FMNL2: variants seen among roughly 807,000 people sequenced by gnomAD.
The protein encoded by FMNL2 is formin like 2, also known as formin-like protein 2.
FMNL2 carries 51 observed loss-of-function variants against 130.2 expected under a neutral mutation model. The ratio of observed to expected loss-of-function variants is 0.39; its 90% CI spans 0.31 to 0.49. FMNL2 has a LOEUF of 0.49. Among genes scored for constraint, FMNL2 ranks in the 20% least tolerant of loss-of-function variants. The pLI, the probability that FMNL2 is intolerant of heterozygous loss-of-function variation, is 0.85. For synonymous variants in FMNL2, 465 were observed against 467.1 expected (o/e 1.00, Z 0.06); for missense variants, 977 against 1,316.2 (o/e 0.74, Z 3.99).
intron 1 of FMNL2, among the ~76,000 whole-genome samples, chr2:152,422,972 A>G (rs1686999080): frequency 6.6e-6 from 1 of 152,228 alleles, no homozygotes; most frequent in African/African-American, 2.4e-5. Flanking sequence ...CTGATGTGCT[A>G]TTAGGTTCTC....
intron 1 of FMNL2, among the ~76,000 whole-genome samples, chr2:152,510,329 G>T (rs1692427970): frequency 6.6e-6 from 1 of 152,192 alleles, no homozygotes; most frequent in South Asian, 2.1e-4. Context: ...TACTGTGGCT[G>T]TAAAGAGGAC....
At chr2:152,613,095 A>G (rs72871126) in intron 11 of FMNL2, among the ~76,000 whole-genome samples, 2,451 of 152,340 alleles carry the variant, frequency 0.016, 40 homozygotes, top group African/African-American at 0.044. Context: ...TTGTCTAAAG[A>G]CTACTCAGGG....
chr2:152,603,667 T>G (rs890948628), intron 9 of FMNL2, among the ~76,000 whole-genome samples: 1 of 150,484 alleles, frequency 6.6e-6, no homozygotes, highest in Non-Finnish European at 1.5e-5. Flanking sequence ...GCCGTCCACA[T>G]GTGCTTTTCC....
chr2:152,355,514 G>A (rs976567368), intron 1 of FMNL2, among the ~76,000 whole-genome samples: 2 of 152,120 alleles, frequency 1.3e-5, no homozygotes, highest in Non-Finnish European at 2.9e-5. Flanking sequence ...CAGTGACTAA[G>A]CTTGCTTTTG....
chr2:152,575,174 C>A lies in FMNL2; in HGVS notation c.635C>A (p.Ser212Ter). Reference sequence around the variant, plus strand: ...CCAAGCAGAAGAACTCTGAAAAATTCAAGATTAGTGAGTAAGAAAGATGAT... The same window carrying A: ...CCAAGCAGAAGAACTCTGAAAAATTAAAGATTAGTGAGTAAGAAAGATGAT... ...TLPSRRTLKN[S>*]RLVSKKDDVH... The change falls in exon 7 of 26, where the codon TCA (serine) becomes TAA (stop). Residue 212 changes from serine (S) to a stop codon, truncating the protein, a stop_gained. Coordinates refer to ENST00000288670, the MANE Select transcript of FMNL2 (RefSeq NM_052905.4). LOFTEE classifies it high-confidence loss of function. 6.2e-7 allele frequency: 1 copy of A among 1,606,774 alleles called. No individual in the cohort carries two copies. Among genetic ancestry groups the A allele is most frequent in the Non-Finnish European group, 8.5e-7 (1 of 1,176,286 alleles).
intron 2 of FMNL2, among the ~76,000 whole-genome samples, chr2:152,526,046 A>G (rs1309362056): frequency 6.6e-6 from 1 of 152,190 alleles, no homozygotes; most frequent in African/African-American, 2.4e-5. Context: ...ATTTTCTAAA[A>G]CATTAAAGAG....
chr2:152,488,468 C>A (rs1329144170), intron 1 of FMNL2, among the ~76,000 whole-genome samples: 5 of 152,142 alleles, frequency 3.3e-5, no homozygotes, highest in Non-Finnish European at 1.5e-5. Flanking sequence ...GCTGGTCACA[C>A]AAGAAAAACT....
chr2:152,498,114 C>T (rs374146784), intron 1 of FMNL2, among the ~76,000 whole-genome samples: 1 of 152,126 alleles, frequency 6.6e-6, no homozygotes, highest in African/African-American at 2.4e-5. Flanking sequence ...TATAATGTAA[C>T]CTAATCATGG....
intron 2 of FMNL2, among the ~76,000 whole-genome samples, chr2:152,538,197 C>T (rs1354007837): frequency 6.6e-6 from 1 of 152,196 alleles, no homozygotes; most frequent in African/African-American, 2.4e-5. Context: ...TTACGAATTA[C>T]ATTACTTCTA....
intron 7 of FMNL2, chr2:152,578,586 G>A (rs928271915): frequency 1.1e-5 from 2 of 182,214 alleles, no homozygotes; most frequent in Middle Eastern, 1.9e-3. Context: ...CATCATTGCC[G>A]ATTTTTTTTT....
chr2:152,628,663 C>CA, intron 18 of FMNL2, 130 bp downstream of exon 18: 2 of 747,850 alleles, frequency 2.7e-6, no homozygotes, highest in African/African-American at 3.5e-5. Context: ...TTCTAAATTG[C>CA]ATTTTTATTT....
intron 7 of FMNL2, among the ~76,000 whole-genome samples, chr2:152,576,831 T>C (rs1178714067): frequency 6.6e-6 from 1 of 152,140 alleles, no homozygotes; most frequent in Non-Finnish European, 1.5e-5. Flanking sequence ...ATGTCTGGTT[T>C]GCCCAAGGCA....
At chr2:152,436,850 G>A (rs556338970) in intron 1 of FMNL2, among the ~76,000 whole-genome samples, 30 of 152,262 alleles carry the variant, frequency 2.0e-4, no homozygotes, top group African/African-American at 7.2e-4. Flanking sequence ...TGGACAAGTA[G>A]ACCCCTCTGT....
At chr2:152,556,285 C>T (rs1049781799) in intron 4 of FMNL2, among the ~76,000 whole-genome samples, 5 of 152,126 alleles carry the variant, frequency 3.3e-5, no homozygotes, top group African/African-American at 1.2e-4. Flanking sequence ...CCTAAAGCAG[C>T]TGGGGGTGTC....
chr2:152,642,145 TTAG>T (rs1194158318), intron 25 of FMNL2, among the ~76,000 whole-genome samples: 1 of 152,172 alleles, frequency 6.6e-6, no homozygotes, highest in Non-Finnish European at 1.5e-5. Context: ...TTTCACCGTG[TTAG>T]CCAGGATGGT....
At chr2:152,643,296 G>T in intron 25 of FMNL2, 7 of 1,335,898 alleles carry the variant, frequency 5.2e-6, no homozygotes, top group South Asian at 1.4e-5. Context: ...CCCCTTTCCT[G>T]CCCATCTTCC....
At chr2:152,454,569 A>C (rs531044506) in intron 1 of FMNL2, among the ~76,000 whole-genome samples, 25 of 152,198 alleles carry the variant, frequency 1.6e-4, no homozygotes, top group Admixed American at 3.3e-4. Flanking sequence ...GCTCATTTTT[A>C]CTGAAGGAGT....
intron 1 of FMNL2, among the ~76,000 whole-genome samples, chr2:152,519,968 T>A (rs190506128): frequency 4.6e-5 from 7 of 152,334 alleles, no homozygotes; most frequent in Admixed American, 4.6e-4. Context: ...GAGGAAAACC[T>A]CCTTCTCTGG....
At chr2:152,492,466 CTGT>C (rs1691266546) in intron 1 of FMNL2, among the ~76,000 whole-genome samples, 1 of 152,168 alleles carries the variant, frequency 6.6e-6, no homozygotes, top group South Asian at 2.1e-4. Flanking sequence ...TAGCTGTACT[CTGT>C]TGTCATTACA....
Sources: gnomAD v4.1 joint callset for allele counts (sites outside exome capture counted in the v4.1 genomes callset) on GRCh38, gnomAD v4.1.1 for gene constraint, MANE v1.5 for transcripts, NCBI Gene and HGNC (gene_info 2026-07-23, HGNC 2026-07-21) for gene names.